SYNPO: variants seen among roughly 807,000 people sequenced by gnomAD.
SYNPO encodes the protein synaptopodin.
SYNPO carries 19 observed loss-of-function variants against 49.5 expected under a neutral mutation model. The observed-to-expected ratio is 0.38, with a 90% CI of 0.27 to 0.56. The LOEUF is 0.56. Ranked by LOEUF, SYNPO falls within the 20% of genes least tolerant of loss-of-function variation. SYNPO has a pLI of 0.68. For synonymous variants in SYNPO, 536 were observed against 548.0 expected (o/e 0.98, Z 0.31); for missense variants, 1,131 against 1,248.3 (o/e 0.91, Z 1.42).
chr5:150,649,996 T>C lies in SYNPO; in HGVS notation c.1721T>C (p.Leu574Pro), dbSNP rs750104880. ...PYQLRPSLFV[L>P]SPIKEPAKVS... ...CAGCTGCGCCCCTCGCTCTTTGTCC[T>C]CTCACCTATCAAGGAGCCTGCCAAG... The change falls in exon 2 of 3, where the codon CTC becomes CCC. Residue 574 changes from leucine to proline, a missense_variant. Coordinates refer to ENST00000307662, the MANE Select transcript of SYNPO (RefSeq NM_007286.6). 3.7e-6 allele frequency: 6 copies of C among 1,612,626 alleles called. No homozygotes were observed. In the South Asian group the frequency reaches 6.6e-5, roughly 18 times the overall value.
At chr5:150,618,318 G>T in exon 2 of SYNPO, 1 of 1,513,786 alleles carries the variant, frequency 6.6e-7, no homozygotes, top group Non-Finnish European at 8.9e-7. Flanking sequence ...CCAGGCCCTG[G>T]CCCAGGCCCA....
At chr5:150,600,128 T>C (rs1756494784), upstream of SYNPO, among the ~76,000 whole-genome samples, 1 of 152,236 alleles carries the variant, frequency 6.6e-6, no homozygotes, top group African/African-American at 2.4e-5. Context: ...TCTGCTTTTG[T>C]TCCTAGAGAA....
chr5:150,613,161 A>T (rs112881791), intron 1 of SYNPO, among the ~76,000 whole-genome samples: 5 of 126,836 alleles, frequency 3.9e-5, no homozygotes, highest in African/African-American at 2.1e-4. Flanking sequence ...TCTGCCTGCC[A>T]GCCAGCCCTT....
the SYNPO span, among the ~76,000 whole-genome samples, chr5:150,589,939 A>G: frequency 1.3e-5 from 2 of 152,290 alleles, no homozygotes; most frequent in African/African-American, 4.8e-5. Context: ...CCAGTCATGC[A>G]AGGACCCACA....
chr5:150,626,033 A>G (rs988720568), intron 2 of SYNPO, among the ~76,000 whole-genome samples: 2 of 152,218 alleles, frequency 1.3e-5, no homozygotes, highest in Non-Finnish European at 2.9e-5. Flanking sequence ...AGGGCTAGTC[A>G]GAGGGTGCCC....
chr5:150,592,383 A>G, the SYNPO span, among the ~76,000 whole-genome samples: 125 of 152,262 alleles, frequency 8.2e-4, 1 homozygote, highest in African/African-American at 2.6e-3. Context: ...CCCACCCTCA[A>G]TGAATGAAAG....
At chr5:150,652,375 G>T (rs1482072451) in intron 2 of SYNPO, 1 of 986,438 alleles carries the variant, frequency 1.0e-6, no homozygotes, top group East Asian at 1.1e-4. Flanking sequence ...GCTGCTAGGG[G>T]TCAGGGTTCC....
chr5:150,623,619 G>A (rs1757251403), intron 2 of SYNPO, among the ~76,000 whole-genome samples: 1 of 152,168 alleles, frequency 6.6e-6, no homozygotes, highest in Non-Finnish European at 1.5e-5. Context: ...GCCAGGAGGA[G>A]AAATGGGAAC....
At chr5:150,647,231 A>G (rs1397639613) in intron 1 of SYNPO, among the ~76,000 whole-genome samples, 1 of 150,682 alleles carries the variant, frequency 6.6e-6, no homozygotes, top group Non-Finnish European at 1.5e-5. Flanking sequence ...CGACAAGAGC[A>G]AAAACTCCTT....
At position 150,649,290 on chromosome 5, in the gene SYNPO, T is replaced by G. The variant is rs1758250184; in HGVS notation, c.1015T>G (p.Ser339Ala). The part of the protein sequence containing the change: ...PLASWVRSPP[S>A]YSVLYPSSDP... Reference sequence around the variant, plus strand: ...GGCTTCCTGGGTGAGGTCTCCTCCCTCATATTCTGTCCTGTATCCCAGCTC... The same window carrying G: ...GGCTTCCTGGGTGAGGTCTCCTCCCGCATATTCTGTCCTGTATCCCAGCTC... The change falls in exon 2 of 3, where the codon TCA becomes GCA. Residue 339 changes from serine to alanine, a missense_variant. Ser to Ala is a moderately conservative substitution (Grantham distance 99, BLOSUM62 1). Around this residue, in one of 4 missense-constraint regions of SYNPO, gnomAD observed 602 missense variants for 720.7 expected, o/e 0.84. Coordinates refer to ENST00000307662, the MANE Select transcript of SYNPO (RefSeq NM_007286.6). 2 of 1,614,130 alleles carry G rather than the reference T, an allele frequency of 1.2e-6. No homozygotes were observed. The highest frequency in any genetic ancestry group is 1.7e-6 in the Non-Finnish European group (2 of 1,180,014).
chr5:150,656,273 G>A, intron 2 of SYNPO, 131 bp from the exon 3 acceptor site: 1 of 700,696 alleles, frequency 1.4e-6, no homozygotes, highest in East Asian at 3.1e-5. Context: ...TTTATTGCAG[G>A]CACTACCTGA....
intron 2 of SYNPO, chr5:150,651,000 G>A (rs1758359913): frequency 2.4e-6 from 3 of 1,238,432 alleles, no homozygotes; most frequent in Non-Finnish European, 2.0e-6. Flanking sequence ...TTTTCTTCCT[G>A]CCCCCTCTGA....
At position 150,650,076 on chromosome 5, in the gene SYNPO, A is replaced by C. The variant is rs1429864228; in HGVS notation, c.1801A>C (p.Asn601His). The C allele has an allele frequency of 1.2e-6, 2 of 1,613,322 alleles. No homozygotes were observed. The highest frequency in any genetic ancestry group is 2.2e-5 in the East Asian group (1 of 44,890). ...GCCCAGCTCCTTGGACCTGGTGCCC[A>C]ACCTGCCCAAGGGGGCTCTCCCTCC... ...AKPSSLDLVP[N>H]LPKGALPPSP... The change falls in exon 2 of 3, where the codon AAC becomes CAC. Residue 601 changes from asparagine to histidine, a missense_variant. Coordinates refer to ENST00000307662, the MANE Select transcript of SYNPO (RefSeq NM_007286.6).
intron 1 of SYNPO, among the ~76,000 whole-genome samples, chr5:150,644,973 A>G (rs1184633187): frequency 2.0e-5 from 3 of 152,136 alleles, no homozygotes; most frequent in African/African-American, 7.2e-5. Flanking sequence ...GGTTCGATGG[A>G]GGAGGGAAGA....
rs1758562830 is a variant in SYNPO, at chr5:150,656,591, C to G, written c.2216C>G (p.Pro739Arg). 2.0e-6 allele frequency: 3 copies of G among 1,520,500 alleles called. No individual in the cohort carries two copies. Among genetic ancestry groups the G allele is most frequent in the Non-Finnish European group, 2.6e-6 (3 of 1,141,366 alleles). 94.2% of individuals were successfully genotyped at this position (1,520,500 alleles called of 1,614,324 possible). ...SPSWSERSVS[P>R]LRPETEARPP... ...TCGTGGAGCGAGCGCTCGGTGTCCCCGCTGCGACCTGAGACCGAGGCGCGG... is the reference window on the plus strand; with the variant it reads ...TCGTGGAGCGAGCGCTCGGTGTCCCGGCTGCGACCTGAGACCGAGGCGCGG... Residue 739 changes from proline (P) to arginine (R), a missense_variant, in exon 3 of 3, where the codon CCG (proline) becomes CGG (arginine). Pro to Arg is a moderately radical substitution (Grantham distance 103). This residue lies in a region of SYNPO where 509 missense variants were observed against 484.5 expected (regional missense o/e 1.05). Coordinates refer to ENST00000307662, the MANE Select transcript of SYNPO (RefSeq NM_007286.6).
chr5:150,631,843 C>A (rs747842634), intron 2 of SYNPO, among the ~76,000 whole-genome samples: 4 of 152,150 alleles, frequency 2.6e-5, no homozygotes, highest in African/African-American at 9.7e-5. Context: ...GGTGAGAGTG[C>A]GTTCCTGGGC....
At chr5:150,640,215 T>C (rs1581496832), upstream of SYNPO, 1 of 976,396 alleles carries the variant, frequency 1.0e-6, no homozygotes, top group Non-Finnish European at 1.2e-6. Context: ...AGACAGAACA[T>C]TGGTGAAGGC....
At chr5:150,604,131 T>C (rs757733995) in intron 1 of SYNPO, among the ~76,000 whole-genome samples, 1 of 152,138 alleles carries the variant, frequency 6.6e-6, no homozygotes, top group Non-Finnish European at 1.5e-5. Context: ...GCCTTGTGGG[T>C]CCTGCTGAAC....
intron 1 of SYNPO, among the ~76,000 whole-genome samples, chr5:150,643,194 C>G (rs1305953035): frequency 6.6e-6 from 1 of 152,198 alleles, no homozygotes; most frequent in East Asian, 1.9e-4. Context: ...GCCTGGTGCT[C>G]TCTGCAGTAA....
Sources: allele counts gnomAD v4.1 joint callset (sites outside exome capture counted in the v4.1 genomes callset), GRCh38; gene constraint gnomAD v4.1.1; regional missense constraint gnomAD v4.1.1; transcripts MANE v1.5; gene names NCBI Gene and HGNC (gene_info 2026-07-23, HGNC 2026-07-21).